The following ABCB5 variants were observed in gnomAD, a reference collection of about 807,000 sequenced individuals.
ABCB5 encodes ATP binding cassette subfamily B member 5, also known as ATP-binding cassette sub-family B member 5.
Under a neutral mutation model 144.2 loss-of-function variants are expected in ABCB5, and 155 were observed. The observed-to-expected ratio is 1.08, with a 90% CI of 0.94 to 1.23. The LOEUF is 1.23. ABCB5 is among the 50% of genes most tolerant of loss of function. The probability of loss-of-function intolerance (pLI) is 0.00; values close to 1 mark genes in which losing one functional copy is unlikely to be tolerated. For synonymous variants in ABCB5, 610 were observed against 528.6 expected, an observed-to-expected ratio of 1.15 and a Z score of -2.11; for missense variants, 1,830 against 1,520.8, an observed-to-expected ratio of 1.20 and a Z score of -3.38.
chr7:20,625,148 G>C (rs1307607970), intron 2 of ABCB5, among the ~76,000 whole-genome samples: 2 of 152,170 alleles, frequency 1.3e-5, no homozygotes, highest in Non-Finnish European at 2.9e-5. Flanking sequence ...TTTTGCAATG[G>C]TAAAGCATTC....
At chr7:20,686,306 G>A (rs1017017780) in intron 16 of ABCB5, among the ~76,000 whole-genome samples, 3 of 152,096 alleles carry the variant, frequency 2.0e-5, no homozygotes, top group African/African-American at 7.2e-5. Context: ...TTGTTCCCAT[G>A]CTTACTGTGC....
At chr7:20,631,334 A>C (rs570336774) in intron 4 of ABCB5, among the ~76,000 whole-genome samples, 1 of 152,326 alleles carries the variant, frequency 6.6e-6, no homozygotes, top group African/African-American at 2.4e-5. Flanking sequence ...GATTGTTTGC[A>C]TATAAATAAA....
chr7:20,617,528 T>C (rs986661518), intron 1 of ABCB5, among the ~76,000 whole-genome samples: 1 of 152,242 alleles, frequency 6.6e-6, no homozygotes, highest in Admixed American at 6.5e-5. Context: ...AGATAAGTAG[T>C]GCCTTCTGTT....
chr7:20,676,167 T>C lies in ABCB5; in HGVS notation c.1708-5338T>C, dbSNP rs796606519. 6.8e-3 allele frequency among the ~76,000 whole-genome samples: 847 copies of C among 124,584 alleles called. 12 individuals are homozygous for C. Among genetic ancestry groups the C allele is most frequent in the South Asian group, 0.05 (210 of 4,190 alleles). The allele number at this position is 124,584 out of a possible 152,430, so 81.7% of individuals were successfully genotyped here. On this transcript the variant is annotated intron_variant, in intron 14 of 27. Transcript: ENST00000404938. ...TGTGACCCAGCAATTCTACTACACA[T>C]ACACACACACACACACACACACACA...
chr7:20,698,346 C>T (rs1400214286), intron 16 of ABCB5, 61 bp from the exon 17 acceptor site: 1 of 1,399,594 alleles, frequency 7.1e-7, no homozygotes. Context: ...GATGGGCTAA[C>T]TTCACTAGAT....
intron 23 of ABCB5, 26 bp from the exon 24 acceptor site, chr7:20,738,957 G>C: frequency 6.4e-7 from 1 of 1,555,576 alleles, no homozygotes; most frequent in Non-Finnish European, 8.7e-7. Context: ...ATGGACCTAA[G>C]ATTCAAATGC....
chr7:20,626,699 A>AAAATTTT, intron 3 of ABCB5, 88 bp downstream of exon 3: 1 of 1,039,852 alleles, frequency 9.6e-7, no homozygotes, highest in South Asian at 2.3e-5. Context: ...ATTAGATTGC[A>AAAATTTT]TCCACTATTT....
Position 20,711,979 on chromosome 7 carries a change from C to T in ABCB5, c.2421+7172C>T, listed in dbSNP as rs1482584841. Among the ~76,000 whole-genome samples the T allele has an allele frequency of 3.6e-5, 5 of 140,404 alleles. 1 individual carries two copies. The East Asian group carries it at 6.4e-4, about 18-fold the overall frequency. The allele number at this position is 140,404 out of a possible 152,430, so 92.1% of individuals were successfully genotyped here. On this transcript the variant is annotated intron_variant, in intron 20 of 27. Transcript: ENST00000404938. ...GCTCAGCTGGGCACAGTGGCTTACG[C>T]CTGTAATCCCAGCACTTTGGGAGGC...
In ABCB5 at chr7:20,699,865, C is replaced by T; in HGVS notation, c.2195C>T (p.Ala732Val). 6.2e-7 allele frequency: 1 copy of T among 1,612,254 alleles called. No homozygotes were observed. Among genetic ancestry groups the T allele is most frequent in the Non-Finnish European group, 8.5e-7 (1 of 1,179,180 alleles). The change falls in exon 18 of 28, where the codon GCA becomes GTA. Residue 732 changes from alanine (A) to valine (V), a missense_variant. Coordinates refer to ENST00000404938, the MANE Select transcript of ABCB5 (RefSeq NM_001163941.2). Reference protein sequence around the residue: ...NNDKTTLKHDAEIYSMIFVIL... With the variant: ...NNDKTTLKHDVEIYSMIFVIL... ...GATAAAACCACATTAAAGCATGATG[C>T]AGAAATTTATTCCATGATATTCGTC... is the stretch of plus-strand genomic sequence containing the variant.
rs1399918542 is a variant in ABCB5 at position 20,755,662 on chromosome 7, T to C, written c.*38T>C. ...AGCACATATTTTGATGTTCGTGTAA[T>C]GCAAAGAAGGAGTACTTAATAATTA... On this transcript the variant is annotated 3_prime_UTR_variant, in exon 28 of 28. Coordinates refer to ENST00000404938, the MANE Select transcript of ABCB5 (RefSeq NM_001163941.2). 6.3e-7 allele frequency: 1 copy of C among 1,589,400 alleles called. No homozygotes were observed. The highest frequency in any genetic ancestry group is 1.3e-5 in the African/African-American group (1 of 74,498).
intron 26 of ABCB5, among the ~76,000 whole-genome samples, chr7:20,745,901 G>A (rs1247643480): frequency 1.3e-5 from 2 of 152,306 alleles, no homozygotes; most frequent in East Asian, 3.9e-4. Context: ...ACCCCATGGG[G>A]AGGGGCTGCT....
chr7:20,650,159 T>G lies in ABCB5; in HGVS notation c.1332+12T>G, dbSNP rs757047738. ...CGGATGATGGCTTTGTAAGTGCAGC[T>G]AGCAAAACCATGCACAGTCCACCTA... On this transcript the variant is annotated intron_variant, in intron 12 of 27. Coordinates refer to ENST00000404938, the MANE Select transcript of ABCB5 (RefSeq NM_001163941.2). 1 of 1,613,088 alleles carries G rather than the reference T, an allele frequency of 6.2e-7. No individual in the cohort carries two copies. The highest frequency in any genetic ancestry group is 1.3e-5 in the African/African-American group (1 of 74,988).
At chr7:20,697,895 T>C (rs1486893024) in intron 16 of ABCB5, among the ~76,000 whole-genome samples, 1 of 152,226 alleles carries the variant, frequency 6.6e-6, no homozygotes, top group Non-Finnish European at 1.5e-5. Flanking sequence ...AATATTTTGC[T>C]TGTAAATAAG....
intron 14 of ABCB5, among the ~76,000 whole-genome samples, chr7:20,661,801 G>C (rs910155873): frequency 1.3e-5 from 2 of 152,018 alleles, no homozygotes; most frequent in African/African-American, 2.4e-5. Context: ...CCAAAGTGCT[G>C]GGATTACAGG....
intron 16 of ABCB5, among the ~76,000 whole-genome samples, chr7:20,694,796 T>C (rs1309234184): frequency 6.6e-6 from 1 of 151,970 alleles, no homozygotes; most frequent in Non-Finnish European, 1.5e-5. Context: ...TTCTATATAC[T>C]ACAAGTGGGA....
intron 5 of ABCB5, among the ~76,000 whole-genome samples, chr7:20,641,189 C>T (rs549365721): frequency 3.3e-5 from 5 of 152,250 alleles, no homozygotes; most frequent in African/African-American, 1.2e-4. Flanking sequence ...TTGTCTTTGT[C>T]CCAGTCTCTC....
chr7:20,755,674 G>C lies in ABCB5; in HGVS notation c.*50G>C, dbSNP rs763176128. ...GATGTTCGTGTAATGCAAAGAAGGA[G>C]TACTTAATAATTACTTGGCAAGCTT... is the stretch of plus-strand genomic sequence containing the variant. On this transcript the variant is annotated 3_prime_UTR_variant, in exon 28 of 28. Transcript: ENST00000404938. 3 of 1,556,214 alleles carry C rather than the reference G, an allele frequency of 1.9e-6. No individual in the cohort carries two copies. The highest frequency in any genetic ancestry group is 2.6e-6 in the Non-Finnish European group (3 of 1,132,268).
At position 20,658,647 on chromosome 7, in the gene ABCB5, A is replaced by G. The variant is rs2301641; in HGVS notation, c.1678A>G (p.Lys560Glu). 0.33 allele frequency: 527,174 copies of G among 1,613,714 alleles called. 89,405 individuals carry two copies. The highest frequency in any genetic ancestry group is 0.57 in the African/African-American group (42,431 of 74,918). Reference sequence around the variant, plus strand: ...TACGTCTGCCCTGGATTCAGAAAGCAAGTCAGCTGTTCAAGCTGCACTGGA... The same window carrying G: ...TACGTCTGCCCTGGATTCAGAAAGCGAGTCAGCTGTTCAAGCTGCACTGGA... ...EATSALDSESKSAVQAALEKA... is the reference protein window; with the variant it reads ...EATSALDSESESAVQAALEKA... Residue 560 changes from lysine to glutamate, a missense_variant, in exon 14 of 28, where the codon AAG (lysine) becomes GAG (glutamate). Lys to Glu is a moderately conservative substitution (Grantham distance 56). Transcript: ENST00000404938.
At chr7:20,674,156 TA>T (rs954624930) in intron 14 of ABCB5, among the ~76,000 whole-genome samples, 2 of 151,982 alleles carry the variant, frequency 1.3e-5, no homozygotes, top group Non-Finnish European at 2.9e-5. Flanking sequence ...CATTAGTTTT[TA>T]AAAAAATTTA....
Sources: allele counts gnomAD v4.1 joint callset (sites outside exome capture counted in the v4.1 genomes callset), GRCh38; gene constraint gnomAD v4.1.1; transcripts MANE v1.5; gene names NCBI Gene and HGNC (gene_info 2026-07-23, HGNC 2026-07-21).